COBL: variants seen among roughly 807,000 people sequenced by gnomAD.
COBL encodes the protein protein cordon-bleu.
A neutral mutation model predicts 98.8 loss-of-function variants in COBL; 51 were observed. The observed-to-expected ratio is 0.52, with a 90% CI of 0.41 to 0.65. COBL has a LOEUF of 0.65. Ranked by LOEUF, COBL falls within the 30% of genes least tolerant of loss-of-function variation. The probability of loss-of-function intolerance (pLI) is 0.00; values close to 1 mark genes in which losing one functional copy is unlikely to be tolerated. For missense variants in COBL, 1,617 were observed against 1,617.5 expected (o/e 1.00, Z 0.01); for synonymous variants, 634 against 651.7 (o/e 0.97, Z 0.41).
chr7:51,280,847 C>T (rs565672408), intron 1 of COBL, among the ~76,000 whole-genome samples: 1 of 152,314 alleles, frequency 6.6e-6, no homozygotes, highest in African/African-American at 2.4e-5. Flanking sequence ...AACTTAACTA[C>T]CATTGAAATG....
At chr7:51,238,782 C>T (rs1471501948) in intron 1 of COBL, among the ~76,000 whole-genome samples, 1 of 152,090 alleles carries the variant, frequency 6.6e-6, no homozygotes, top group Non-Finnish European at 1.5e-5. Context: ...ACTGCTGTCT[C>T]CTCTGCAGAG....
chr7:51,257,296 A>T (rs1471634323), intron 1 of COBL, among the ~76,000 whole-genome samples: 2 of 152,112 alleles, frequency 1.3e-5, no homozygotes, highest in East Asian at 3.9e-4. Flanking sequence ...CCTCAATAAA[A>T]CCTACATCAC....
chr7:51,016,777 G>A lies in COBL; in HGVS notation c.*774C>T, dbSNP rs1261890394. The A allele has an allele frequency of 1.3e-5, 5 of 396,424 alleles. No homozygotes were observed. Among genetic ancestry groups the A allele is most frequent in the Non-Finnish European group, 2.2e-5 (5 of 225,350 alleles). 24.6% of individuals were successfully genotyped at this position (396,424 alleles called of 1,614,324 possible). On this transcript the variant is annotated 3_prime_UTR_variant, in exon 13 of 13. Transcript: ENST00000265136. ...GGAGGCCTATGTCACTTCATAGCCT[G>A]GGGAATGGCTGTCCATGTGGGGCAC...
chr7:51,149,975 T>C (rs1409345361), intron 5 of COBL, among the ~76,000 whole-genome samples: 1 of 152,174 alleles, frequency 6.6e-6, no homozygotes, highest in Non-Finnish European at 1.5e-5. Flanking sequence ...TTGGAACTTC[T>C]CATGTTTTCT....
intron 1 of COBL, among the ~76,000 whole-genome samples, chr7:51,300,140 C>CTGTTT (rs113190272): frequency 0.015 from 2,267 of 148,352 alleles, 30 homozygotes; most frequent in South Asian, 0.044. Flanking sequence ...GTTTGCTTTT[C>CTGTTT]TGTTTTGTTT....
rs535896735 is a variant in COBL at position 51,301,975 on chromosome 7, G to A, written c.41+14618C>T. ...CCTCTCCCAGCTTCAAAGAGGCATG[G>A]CTCCTGAACAGTCAGAGCCAGGGGC... On this transcript the variant is annotated intron_variant, in intron 1 of 12. Transcript: ENST00000265136. Among the ~76,000 whole-genome samples, 51 of 152,244 alleles carry A rather than the reference G, an allele frequency of 3.3e-4. No homozygotes were observed. In the South Asian group the frequency reaches 0.01, roughly 30 times the overall value.
chr7:51,159,106 C>T (rs891974062), intron 5 of COBL, among the ~76,000 whole-genome samples: 1 of 152,160 alleles, frequency 6.6e-6, no homozygotes, highest in African/African-American at 2.4e-5. Flanking sequence ...GCGGGGGCGG[C>T]GTTGCAGGCT....
rs374787848 is a variant in COBL at position 51,016,309 on chromosome 7, C to G, written c.*1242G>C. 6.6e-6 allele frequency: 1 copy of G among 152,156 alleles called. No homozygotes were observed. The highest frequency in any genetic ancestry group is 2.4e-5 in the African/African-American group (1 of 41,434). The allele number at this position is 152,156 out of a possible 1,614,324, so 9.4% of individuals were successfully genotyped here. Reference sequence around the variant, plus strand: ...TCGTGCCTCACCAAGAGTTTAGCAACGTTAATCAGTGAATGCAGAACAGCT... The same window carrying G: ...TCGTGCCTCACCAAGAGTTTAGCAAGGTTAATCAGTGAATGCAGAACAGCT... On this transcript the variant is annotated 3_prime_UTR_variant, in exon 13 of 13. Coordinates refer to ENST00000265136, the MANE Select transcript of COBL (RefSeq NM_015198.5).
At chr7:51,283,572 C>T (rs1476806938) in intron 1 of COBL, among the ~76,000 whole-genome samples, 3 of 152,122 alleles carry the variant, frequency 2.0e-5, no homozygotes, top group African/African-American at 7.2e-5. Flanking sequence ...GCTGCCTGTG[C>T]CTCCTGGGTT....
At chr7:51,270,817 C>T (rs1272183802) in intron 1 of COBL, among the ~76,000 whole-genome samples, 3 of 149,484 alleles carry the variant, frequency 2.0e-5, no homozygotes, top group East Asian at 2.0e-4. Context: ...TTTTATTATT[C>T]GACTTAAAAA....
At chr7:51,133,222 A>G (rs1289638536) in intron 6 of COBL, among the ~76,000 whole-genome samples, 2 of 152,126 alleles carry the variant, frequency 1.3e-5, no homozygotes, top group East Asian at 3.9e-4. Flanking sequence ...GTCCTCCCAG[A>G]TGAGGGTTCC....
intron 7 of COBL, among the ~76,000 whole-genome samples, chr7:51,082,858 T>G (rs1432852731): frequency 6.6e-6 from 1 of 152,198 alleles, no homozygotes; most frequent in Non-Finnish European, 1.5e-5. Context: ...CAGATAGGCA[T>G]GATTACCTGG....
intron 2 of COBL, among the ~76,000 whole-genome samples, chr7:51,209,678 C>A (rs73697830): frequency 6.6e-6 from 1 of 152,100 alleles, no homozygotes; most frequent in Non-Finnish European, 1.5e-5. Context: ...GTGGCCACAC[C>A]ATGCACTGCC....
intron 7 of COBL, among the ~76,000 whole-genome samples, chr7:51,062,790 T>C (rs1489241005): frequency 6.6e-6 from 1 of 152,190 alleles, no homozygotes; most frequent in African/African-American, 2.4e-5. Flanking sequence ...GGACTGCGTC[T>C]GCAGGGGGTG....
At chr7:51,251,410 C>A (rs74735401) in intron 1 of COBL, among the ~76,000 whole-genome samples, 1 of 152,184 alleles carries the variant, frequency 6.6e-6, no homozygotes, top group Non-Finnish European at 1.5e-5. Flanking sequence ...CGTTTCAGGA[C>A]GCTGCCAGCT....
intron 6 of COBL, among the ~76,000 whole-genome samples, chr7:51,105,727 G>T (rs559223328): frequency 1.3e-5 from 2 of 152,084 alleles, no homozygotes; most frequent in Non-Finnish European, 2.9e-5. Context: ...CTGCACTCCA[G>T]CCTGGGCAAC....
intron 7 of COBL, among the ~76,000 whole-genome samples, chr7:51,082,505 G>A (rs1454235238): frequency 1.3e-5 from 2 of 152,230 alleles, no homozygotes; most frequent in African/African-American, 2.4e-5. Context: ...CAGAAGCAAA[G>A]CAGGACTTCA....
intron 5 of COBL, among the ~76,000 whole-genome samples, chr7:51,157,758 T>C (rs929377749): frequency 1.3e-5 from 2 of 152,260 alleles, no homozygotes; most frequent in African/African-American, 4.8e-5. Context: ...CTACTAAGAA[T>C]GTATTATATA....
intron 1 of COBL, among the ~76,000 whole-genome samples, chr7:51,302,539 C>T (rs968062625): frequency 1.9e-4 from 29 of 150,386 alleles, no homozygotes; most frequent in Admixed American, 6.7e-5. Context: ...CGATATTGCG[C>T]CATTGCACTC....
Sources: gnomAD v4.1 joint callset for allele counts (sites outside exome capture counted in the v4.1 genomes callset) on GRCh38, gnomAD v4.1.1 for gene constraint, MANE v1.5 for transcripts, NCBI Gene and HGNC (gene_info 2026-07-23, HGNC 2026-07-21) for gene names.